Variants in SHBG observed in about 807,000 individuals in gnomAD.
SHBG encodes sex hormone-binding globulin.
SHBG carries 37 observed loss-of-function variants against 41.9 expected under a neutral mutation model. That is an observed-to-expected ratio of 0.88 (90% CI 0.68 to 1.16). SHBG has a LOEUF of 1.16. Ranked by LOEUF, SHBG falls within the 50% of genes most tolerant of loss-of-function variation. SHBG has a pLI of 0.00. For synonymous variants in SHBG, 217 were observed against 205.8 expected, an observed-to-expected ratio of 1.05 and a Z score of -0.47; for missense variants, 466 against 499.9, an observed-to-expected ratio of 0.93 and a Z score of 0.65.
chr17:7,622,854 C>T (rs1017250016), intron 1 of SHBG, among the ~76,000 whole-genome samples: 6 of 148,744 alleles, frequency 4.0e-5, no homozygotes, highest in Admixed American at 4.0e-4. Flanking sequence ...ACAGTGAAAC[C>T]CCGTCTCAAC....
At chr17:7,626,624 A>G, upstream of SHBG, 3 of 1,611,348 alleles carry the variant, frequency 1.9e-6, no homozygotes, top group Non-Finnish European at 2.5e-6. Context: ...CCTGTGGGAG[A>G]AGACAACACT....
At chr17:7,626,204 AAAGAAAT>A, upstream of SHBG, 1 of 420,278 alleles carries the variant, frequency 2.4e-6, no homozygotes, top group Non-Finnish European at 4.2e-6. Context: ...AAAAAAAAAA[AAAGAAAT>A]AAAAGAAAGA....
At chr17:7,628,042 T>C, upstream of SHBG, 1 of 467,392 alleles carries the variant, frequency 2.1e-6, no homozygotes, top group South Asian at 1.5e-5. Flanking sequence ...TGTCCCAACC[T>C]GGGTCGAGAT....
chr17:7,614,572 A>C lies in SHBG; in HGVS notation c.-62+461A>C. 2.2e-6 allele frequency: 3 copies of C among 1,353,452 alleles called. No homozygotes were observed. In the South Asian group the frequency reaches 4.5e-5, roughly 20 times the overall value. 83.8% of individuals were successfully genotyped at this position (1,353,452 alleles called of 1,614,324 possible). On this transcript the variant is annotated intron_variant, in intron 1 of 5. Coordinates refer to the SHBG transcript ENST00000570547. ...CTCCGACTCCCCCGGCGGCGGCTGC[A>C]GCAGCAGTCTGAGTGCGGGCCGGGC...
chr17:7,615,415 C>T (rs1334805336), intron 1 of SHBG, among the ~76,000 whole-genome samples: 3 of 152,220 alleles, frequency 2.0e-5, no homozygotes, highest in Non-Finnish European at 4.4e-5. Context: ...TTACCCTCTT[C>T]GCGTATGCAT....
intron 1 of SHBG, chr17:7,614,539 G>A (rs1201180092): frequency 3.4e-6 from 5 of 1,470,190 alleles, no homozygotes; most frequent in South Asian, 1.3e-5. Context: ...CCATGGCGCC[G>A]CCACCGCCTC....
chr17:7,615,295 T>C (rs1415502801), intron 1 of SHBG, among the ~76,000 whole-genome samples: 1 of 151,790 alleles, frequency 6.6e-6, no homozygotes, highest in Non-Finnish European at 1.5e-5. Flanking sequence ...AACGACTGCT[T>C]GGTCACTTTC....
upstream of SHBG, chr17:7,630,094 A>C (rs925031208): frequency 8.2e-7 from 1 of 1,220,862 alleles, no homozygotes; most frequent in South Asian, 1.2e-5. This position sits in a 1 kb window ranked among gnomAD's most constrained non-coding sequence, Gnocchi z 4.6. Context: ...TTAACCCTCC[A>C]CCGCCCACAC....
At chr17:7,619,156 C>T (rs557095279) in intron 1 of SHBG, among the ~76,000 whole-genome samples, 7 of 151,322 alleles carry the variant, frequency 4.6e-5, no homozygotes, top group Middle Eastern at 3.4e-3. Context: ...TTTGGGAGGC[C>T]GAGGTGGGCA....
upstream of SHBG, chr17:7,627,487 G>A (rs974849405): frequency 1.7e-5 from 28 of 1,601,546 alleles, no homozygotes; most frequent in African/African-American, 5.4e-5. This position sits in a 1 kb window ranked among gnomAD's most constrained non-coding sequence, Gnocchi z 4.8. Flanking sequence ...CCCAAGGCGA[G>A]CCCCTCCCCC....
In SHBG at chr17:7,631,607, G is replaced by T. The variant is rs770361946; in HGVS notation, c.574G>T (p.Gly192Cys). Residue 192 changes from glycine to cysteine, a missense_variant, in exon 5 of 8, where the codon GGC becomes TGC. Coordinates refer to ENST00000380450, the MANE Select transcript of SHBG (RefSeq NM_001040.5). ...LRLPLVPALDGCLRRDSWLDK... is the reference protein window; with the variant it reads ...LRLPLVPALDCCLRRDSWLDK... ...ACTCCAGCTGGTTCCTGCCCTGGAT[G>T]GCTGCCTGCGCCGGGATTCCTGGCT... The T allele has an allele frequency of 6.2e-7, 1 of 1,614,132 alleles. No individual in the cohort carries two copies. The highest frequency in any genetic ancestry group is 8.5e-7 in the Non-Finnish European group (1 of 1,180,040).
intron 1 of SHBG, among the ~76,000 whole-genome samples, chr17:7,618,499 G>T (rs2072033628): frequency 6.6e-6 from 1 of 151,786 alleles, no homozygotes; most frequent in African/African-American, 2.4e-5. Flanking sequence ...TAAAGACGGG[G>T]TTTCACCACG....
rs758242668 is a variant in SHBG at position 7,630,821 on chromosome 17, G to A, written c.345G>A (p.Gln115=). 23 of 1,613,976 alleles carry A rather than the reference G, an allele frequency of 1.4e-5. No individual in the cohort carries two copies. The South Asian group carries it at 2.1e-4, about 15-fold the overall frequency. The change falls in exon 3 of 8, where the codon CAG becomes CAA. Residue 115 remains glutamine, a synonymous_variant. Transcript: ENST00000380450. This position sits in a 1 kb window ranked among gnomAD's most constrained non-coding sequence, Gnocchi z 4.6. ...TCCAACTGCACAATCACTGGGCCCA[G>A]CTTACGGTGGGTGCTGGACCACGGC... ...PEIQLHNHWA[Q]LTVGAGPRLD... is the part of the protein sequence containing the mutation.
At chr17:7,621,097 A>C (rs1290288860) in intron 1 of SHBG, among the ~76,000 whole-genome samples, 4 of 21,100 alleles carry the variant, frequency 1.9e-4, no homozygotes, top group Non-Finnish European at 4.0e-4. Context: ...CCTGTCACAA[A>C]AAAAAAAAAA....
intron 1 of SHBG, among the ~76,000 whole-genome samples, chr17:7,622,599 A>G (rs555108426): frequency 1.3e-5 from 2 of 152,064 alleles, no homozygotes; most frequent in African/African-American, 4.8e-5. Context: ...ATAGATGGCT[A>G]ATGAAGTGAT....
At chr17:7,618,417 G>A (rs1309884646) in intron 1 of SHBG, among the ~76,000 whole-genome samples, 1 of 150,466 alleles carries the variant, frequency 6.6e-6, no homozygotes, top group African/African-American at 2.4e-5. Context: ...GATTATAGGT[G>A]CCCACTGCCA....
upstream of SHBG, among the ~76,000 whole-genome samples, chr17:7,628,554 C>T (rs946137766): frequency 2.0e-5 from 3 of 152,030 alleles, no homozygotes; most frequent in Admixed American, 2.0e-4. Flanking sequence ...TCAAGCGATT[C>T]TCCTGCCTCA....
At chr17:7,632,232 G>GAA (rs1419713801) in intron 6 of SHBG, among the ~76,000 whole-genome samples, 2 of 151,710 alleles carry the variant, frequency 1.3e-5, no homozygotes, top group Non-Finnish European at 2.9e-5. Context: ...ATCACTTGAG[G>GAA]CCAGGAGTTT....
At position 7,630,287 on chromosome 17, in the gene SHBG, C is replaced by T; in HGVS notation, c.111+4C>T. The T allele has an allele frequency of 6.2e-7, 1 of 1,607,578 alleles. No individual in the cohort carries two copies. Among genetic ancestry groups the T allele is most frequent in the Non-Finnish European group, 8.5e-7 (1 of 1,176,320 alleles). On this transcript the variant is annotated splice_donor_region_variant and intron_variant, in intron 1 of 7. Transcript: ENST00000380450. This position sits in a 1 kb window ranked among gnomAD's most constrained non-coding sequence, Gnocchi z 4.6. ...GAGACCTGTTCTCCCCACCCAGGTG[C>T]AGGAGCGGGACAGGGCACTCAGCTC... is the stretch of plus-strand genomic sequence containing the variant.
Sources: gnomAD v4.1 joint callset for allele counts (sites outside exome capture counted in the v4.1 genomes callset) on GRCh38, gnomAD v4.1.1 for gene constraint, Gnocchi (gnomAD v3.1) non-coding constraint, MANE v1.5 for transcripts, NCBI Gene and HGNC (gene_info 2026-07-23, HGNC 2026-07-21) for gene names.